The following IMMP2L variants were observed in gnomAD, a reference collection of about 807,000 sequenced individuals.
The protein encoded by IMMP2L is mitochondrial inner membrane protease subunit 2.
A neutral mutation model predicts 19.3 loss-of-function variants in IMMP2L; 18 were observed. The observed-to-expected ratio is 0.93, with a 90% CI of 0.64 to 1.38. The LOEUF is 1.38. IMMP2L is among the 40% of genes most tolerant of loss of function. IMMP2L has a pLI of 0.00. For synonymous variants in IMMP2L, 76 were observed against 73.0 expected, an observed-to-expected ratio of 1.04 and a Z score of -0.21; for missense variants, 233 against 218.2, an observed-to-expected ratio of 1.07 and a Z score of -0.43.
At chr7:110,917,104 G>A (rs188931973) in intron 4 of IMMP2L, among the ~76,000 whole-genome samples, 3 of 152,242 alleles carry the variant, frequency 2.0e-5, no homozygotes, top group East Asian at 1.9e-4. Flanking sequence ...AAAAACACAC[G>A]TGGGAGAAAC....
At chr7:110,743,010 C>G (rs1797093747) in intron 5 of IMMP2L, among the ~76,000 whole-genome samples, 1 of 151,988 alleles carries the variant, frequency 6.6e-6, no homozygotes, top group Admixed American at 6.6e-5. Flanking sequence ...TGATTTTTAT[C>G]ATATTCTTTA....
intron 3 of IMMP2L, among the ~76,000 whole-genome samples, chr7:111,464,573 T>A (rs945615307): frequency 6.6e-6 from 1 of 152,168 alleles, no homozygotes; most frequent in African/African-American, 2.4e-5. Context: ...AACTATTAAA[T>A]CAATTAATCT....
At chr7:110,790,389 T>TG (rs1382232926) in intron 5 of IMMP2L, among the ~76,000 whole-genome samples, 3 of 151,740 alleles carry the variant, frequency 2.0e-5, no homozygotes, top group Admixed American at 2.0e-4. Flanking sequence ...AAGATTATTC[T>TG]GGATTTTCTG....
chr7:111,264,265 G>A (rs1344871255), intron 3 of IMMP2L, among the ~76,000 whole-genome samples: 1 of 151,982 alleles, frequency 6.6e-6, no homozygotes, highest in Non-Finnish European at 1.5e-5. Context: ...CAAGGGCACG[G>A]GCCCATTTAC....
intron 3 of IMMP2L, among the ~76,000 whole-genome samples, chr7:111,327,426 C>T (rs1467372750): frequency 6.6e-6 from 1 of 151,670 alleles, no homozygotes; most frequent in Non-Finnish European, 1.5e-5. Flanking sequence ...TCTACAATTT[C>T]ATTAACATGT....
At chr7:110,847,584 G>A (rs997773526) in intron 5 of IMMP2L, among the ~76,000 whole-genome samples, 19 of 152,098 alleles carry the variant, frequency 1.2e-4, no homozygotes, top group African/African-American at 3.9e-4. Flanking sequence ...AGTGTACCTG[G>A]AGAAGGAAAA....
At chr7:111,349,137 G>A (rs190742491) in intron 3 of IMMP2L, among the ~76,000 whole-genome samples, 5 of 152,176 alleles carry the variant, frequency 3.3e-5, no homozygotes, top group East Asian at 1.9e-4. Flanking sequence ...CATTACCTAC[G>A]AGGAGTCTCC....
At chr7:111,306,128 A>G (rs1241276636) in intron 3 of IMMP2L, among the ~76,000 whole-genome samples, 1 of 152,188 alleles carries the variant, frequency 6.6e-6, no homozygotes, top group East Asian at 1.9e-4. Flanking sequence ...TTACATTTCT[A>G]AATTTTCCAA....
intron 3 of IMMP2L, among the ~76,000 whole-genome samples, chr7:111,093,366 G>T (rs898451784): frequency 1.3e-5 from 2 of 152,154 alleles, no homozygotes; most frequent in African/African-American, 4.8e-5. Flanking sequence ...TGCTGCTTTT[G>T]AAACAGACCA....
chr7:111,199,218 C>T (rs1308755525), intron 3 of IMMP2L, among the ~76,000 whole-genome samples: 1 of 152,128 alleles, frequency 6.6e-6, no homozygotes, highest in Non-Finnish European at 1.5e-5. Flanking sequence ...ATACAGCCTA[C>T]ATATAATGTA....
At chr7:111,329,363 A>G (rs1825647878) in intron 3 of IMMP2L, among the ~76,000 whole-genome samples, 1 of 151,924 alleles carries the variant, frequency 6.6e-6, no homozygotes, top group African/African-American at 2.4e-5. Flanking sequence ...AGTACTTGTA[A>G]ATATAAATAT....
At chr7:111,218,599 C>T (rs1405540286) in intron 3 of IMMP2L, among the ~76,000 whole-genome samples, 2 of 151,966 alleles carry the variant, frequency 1.3e-5, no homozygotes, top group Non-Finnish European at 2.9e-5. Flanking sequence ...AAAATATTTT[C>T]GTTAACCTAA....
intron 5 of IMMP2L, among the ~76,000 whole-genome samples, chr7:110,833,439 C>CAAAA (rs66826955): frequency 2.6e-5 from 3 of 115,428 alleles, no homozygotes; most frequent in African/African-American, 3.2e-5. Context: ...AACTTCGTCT[C>CAAAA]AAAAAAAAAA....
intron 3 of IMMP2L, among the ~76,000 whole-genome samples, chr7:111,241,129 C>T (rs879302700): frequency 4.0e-5 from 6 of 151,754 alleles, no homozygotes; most frequent in South Asian, 4.1e-4. Flanking sequence ...GCTTAATTTA[C>T]GTTTAAATCT....
At chr7:111,454,941 AC>A (rs1162212280) in intron 3 of IMMP2L, among the ~76,000 whole-genome samples, 1 of 152,022 alleles carries the variant, frequency 6.6e-6, no homozygotes, top group Non-Finnish European at 1.5e-5. Context: ...AAAATTTGAT[AC>A]AAAGTCTATC....
intron 5 of IMMP2L, among the ~76,000 whole-genome samples, chr7:110,739,280 T>A (rs187741912): frequency 2.6e-5 from 4 of 152,108 alleles, no homozygotes; most frequent in Non-Finnish European, 5.9e-5. Flanking sequence ...GCAGAATGTA[T>A]AAGAATTCAC....
At chr7:111,218,386 T>G (rs993904020) in intron 3 of IMMP2L, among the ~76,000 whole-genome samples, 11 of 152,124 alleles carry the variant, frequency 7.2e-5, no homozygotes, top group African/African-American at 2.7e-4. Flanking sequence ...GTACCTATGC[T>G]ATTATGTTGT....
rs192520008 is a variant in IMMP2L, at chr7:111,497,347, T to C, written c.136-10006A>G. 5.2e-3 allele frequency among the ~76,000 whole-genome samples: 792 copies of C among 152,296 alleles called. 5 individuals are homozygous for C. The highest frequency in any genetic ancestry group is 8.9e-3 in the Admixed American group (136 of 15,296). ...ATATACAAAGATATTCATAATACAT[T>C]ATTTACAATAGTGAATAGCTTCTTA... On this transcript the variant is annotated intron_variant, in intron 2 of 5. Transcript: ENST00000405709.
At chr7:111,388,926 G>A (rs1037658344) in intron 3 of IMMP2L, among the ~76,000 whole-genome samples, 4 of 151,962 alleles carry the variant, frequency 2.6e-5, no homozygotes, top group Admixed American at 6.6e-5. Flanking sequence ...TACATATAAT[G>A]TGCAAATCTG....
Sources: gnomAD v4.1 joint callset for allele counts (sites outside exome capture counted in the v4.1 genomes callset) on GRCh38, gnomAD v4.1.1 for gene constraint, MANE v1.5 for transcripts, NCBI Gene and HGNC (gene_info 2026-07-23, HGNC 2026-07-21) for gene names.